Variants in WWOX observed in about 807,000 individuals in gnomAD.
WWOX encodes the protein WW domain containing oxidoreductase.
A neutral mutation model predicts 46.2 loss-of-function variants in WWOX; 69 were observed. The observed-to-expected ratio is 1.49, with a 90% confidence interval of 1.23 to 1.82. The LOEUF (loss-of-function observed/expected upper bound fraction) is 1.82, where lower values mean the gene tolerates loss of function less well. Ranked by LOEUF, WWOX falls within the 40% of genes most tolerant of loss-of-function variation. WWOX has a pLI of 0.00. For missense variants in WWOX, 919 were observed against 542.6 expected (o/e 1.69, Z -6.89); for synonymous variants, 359 against 202.6 (o/e 1.77, Z -6.56).
intron 5 of WWOX, chr16:78,355,640 C>A: frequency 1.6e-6 from 1 of 627,494 alleles, no homozygotes; most frequent in Non-Finnish European, 2.9e-6. Context: ...CGACCGAGAG[C>A]TTCGAGGCAG....
At chr16:78,721,773 C>T (rs964946372) in intron 8 of WWOX, among the ~76,000 whole-genome samples, 2 of 152,200 alleles carry the variant, frequency 1.3e-5, no homozygotes, top group East Asian at 3.9e-4. Flanking sequence ...GGGCCAGGTA[C>T]ATAGCAGGTG....
At chr16:78,731,174 A>G (rs1260224038) in intron 8 of WWOX, among the ~76,000 whole-genome samples, 3 of 152,118 alleles carry the variant, frequency 2.0e-5, no homozygotes, top group African/African-American at 7.2e-5. Context: ...TTCTTGGGCA[A>G]CTGAGACCGT....
chr16:78,994,186 C>T (rs988061208), intron 8 of WWOX, among the ~76,000 whole-genome samples: 1 of 152,142 alleles, frequency 6.6e-6, no homozygotes, highest in African/African-American at 2.4e-5. Flanking sequence ...CATCGATTCT[C>T]TCCTTATAGG....
At chr16:78,629,140 C>A (rs1373074390) in intron 8 of WWOX, among the ~76,000 whole-genome samples, 1 of 152,060 alleles carries the variant, frequency 6.6e-6, no homozygotes, top group Non-Finnish European at 1.5e-5. Context: ...TTTCAAAGGG[C>A]ACCACTGCTC....
intron 3 of WWOX, among the ~76,000 whole-genome samples, chr16:78,114,154 G>T (rs566588989): frequency 2.7e-5 from 4 of 147,228 alleles, no homozygotes; most frequent in East Asian, 2.0e-4. Flanking sequence ...CTAGAGTGCA[G>T]TGGCACAATC....
intron 8 of WWOX, among the ~76,000 whole-genome samples, chr16:78,569,529 CAT>C (rs1367744195): frequency 6.6e-6 from 1 of 152,120 alleles, no homozygotes; most frequent in Non-Finnish European, 1.5e-5. Context: ...CCTTTTTGTA[CAT>C]ATATGATTAT....
intron 8 of WWOX, among the ~76,000 whole-genome samples, chr16:79,080,008 C>T (rs34637423): frequency 1.2e-4 from 19 of 152,142 alleles, no homozygotes; most frequent in African/African-American, 2.9e-4. Context: ...TTATTTCTTA[C>T]GATACCACGC....
In WWOX at chr16:78,547,917, T is replaced by TGA. The variant is rs1260839971; in HGVS notation, c.1056+115168_1056+115169dup. On this transcript the variant is annotated intron_variant, in intron 8 of 8. Coordinates refer to ENST00000566780, the MANE Select transcript of WWOX (RefSeq NM_016373.4). Reference sequence around the variant, plus strand: ...CTGTAATCCCAGCACTTTGGGAGGCTGAGATGGGCAGATCACTTGAGGTCA... The same window carrying TGA: ...CTGTAATCCCAGCACTTTGGGAGGCTGAGAGATGGGCAGATCACTTGAGGTCA... Among the ~76,000 whole-genome samples the TGA allele has an allele frequency of 2.6e-5, 4 of 152,144 alleles. No individual in the cohort carries two copies. The East Asian group carries it at 7.7e-4, about 29-fold the overall frequency.
At chr16:79,011,310 G>C (rs553636594) in intron 8 of WWOX, among the ~76,000 whole-genome samples, 2 of 151,428 alleles carry the variant, frequency 1.3e-5, no homozygotes, top group African/African-American at 4.9e-5. Flanking sequence ...ACACTATTAC[G>C]TAGTATTATC....
At chr16:78,983,912 C>G (rs1026439218) in intron 8 of WWOX, among the ~76,000 whole-genome samples, 1 of 110,460 alleles carries the variant, frequency 9.1e-6, no homozygotes, top group Non-Finnish European at 1.7e-5. Flanking sequence ...GAGTCTTGCT[C>G]TGTTACCCAG....
rs1296889824 is a variant in WWOX, at chr16:78,175,889, A to G, written c.516+11600A>G. ...AGACTGGACAGTGAGTTCTAAGGAT[A>G]AGACATGTATACTTACCCAGGAAGC... On this transcript the variant is annotated intron_variant, in intron 5 of 8. Coordinates refer to ENST00000566780, the MANE Select transcript of WWOX (RefSeq NM_016373.4). 5.3e-5 allele frequency among the ~76,000 whole-genome samples: 8 copies of G among 152,202 alleles called. No homozygotes were observed. In the East Asian group the frequency reaches 1.5e-3, roughly 29 times the overall value.
chr16:78,965,722 T>G (rs536839001), intron 8 of WWOX, among the ~76,000 whole-genome samples: 1 of 152,180 alleles, frequency 6.6e-6, no homozygotes, highest in Non-Finnish European at 1.5e-5. Context: ...CCTTCCCGCA[T>G]TGTGACTTGA....
At chr16:78,707,562 C>G (rs1016224530) in intron 8 of WWOX, among the ~76,000 whole-genome samples, 2 of 152,114 alleles carry the variant, frequency 1.3e-5, no homozygotes, top group African/African-American at 4.8e-5. Context: ...GAAATAAAGG[C>G]TACAGATGCT....
chr16:78,512,690 T>C (rs1009295743), intron 8 of WWOX, among the ~76,000 whole-genome samples: 6 of 152,190 alleles, frequency 3.9e-5, no homozygotes, highest in Non-Finnish European at 7.4e-5. Context: ...GTTTTCATGT[T>C]ATTATGTATA....
chr16:78,802,759 T>C (rs902555717), intron 8 of WWOX, among the ~76,000 whole-genome samples: 1 of 150,738 alleles, frequency 6.6e-6, no homozygotes, highest in Non-Finnish European at 1.5e-5. Flanking sequence ...CTACTAAAAA[T>C]AGAGAAGTTA....
At position 78,342,197 on chromosome 16, in the gene WWOX, C is replaced by T. The variant is rs181083031; in HGVS notation, c.517-44663C>T. Among the ~76,000 whole-genome samples, 592 of 121,380 alleles carry T rather than the reference C, an allele frequency of 4.9e-3. 123 individuals carry two copies. Among genetic ancestry groups the T allele is most frequent in the African/African-American group, 0.015 (552 of 35,970 alleles). 79.6% of individuals were successfully genotyped at this position (121,380 alleles called of 152,430 possible). ...TCAGAAAACTGTATTTGGAGGGGAC[C>T]TTTCTGGGGTCTTTTAGTCAGGGTA... On this transcript the variant is annotated intron_variant, in intron 5 of 8. Transcript: ENST00000566780.
At chr16:78,791,965 T>C (rs1024697693) in intron 8 of WWOX, among the ~76,000 whole-genome samples, 14 of 152,224 alleles carry the variant, frequency 9.2e-5, no homozygotes, top group Admixed American at 2.6e-4. Context: ...TTCTTATTGT[T>C]TTTTGTTTTT....
At chr16:79,180,684 C>T (rs1034824044) in intron 8 of WWOX, among the ~76,000 whole-genome samples, 4 of 152,028 alleles carry the variant, frequency 2.6e-5, no homozygotes, top group Admixed American at 6.5e-5. Flanking sequence ...CTCTCTTTCT[C>T]CCTCCCTCCC....
intron 5 of WWOX, among the ~76,000 whole-genome samples, chr16:78,247,919 G>A (rs1210513058): frequency 6.6e-6 from 1 of 152,184 alleles, no homozygotes; most frequent in East Asian, 1.9e-4. Context: ...CTGTAAAGTG[G>A]GGATTGAAGC....
Sources: allele counts gnomAD v4.1 joint callset (sites outside exome capture counted in the v4.1 genomes callset), GRCh38; gene constraint gnomAD v4.1.1; transcripts MANE v1.5; gene names NCBI Gene and HGNC (gene_info 2026-07-23, HGNC 2026-07-21).